FANCL: variants seen among roughly 807,000 people sequenced by gnomAD.
The protein encoded by FANCL is FA complementation group L.
FANCL carries 69 observed loss-of-function variants against 59.4 expected under a neutral mutation model. The observed-to-expected ratio is 1.16, with a 90% confidence interval of 0.96 to 1.42. The LOEUF is 1.42. FANCL is among the 40% of genes most tolerant of loss of function. The pLI is 0.00. For missense variants in FANCL, 519 were observed against 447.2 expected (o/e 1.16, Z -1.45); for synonymous variants, 180 against 147.1 (o/e 1.22, Z -1.62).
chr2:58,174,426 A>G (rs1391153934), intron 7 of FANCL, among the ~76,000 whole-genome samples: 1 of 152,246 alleles, frequency 6.6e-6, no homozygotes, highest in Non-Finnish European at 1.5e-5. Flanking sequence ...ATCAGAAATC[A>G]TAACAAACTG....
intron 1 of FANCL, among the ~76,000 whole-genome samples, chr2:58,233,736 T>C (rs1178715758): frequency 6.6e-6 from 1 of 151,484 alleles, no homozygotes; most frequent in Non-Finnish European, 1.5e-5. Flanking sequence ...ACTAAGTAAG[T>C]GTAAAAAAAA....
At chr2:58,240,140 T>C (rs973289104) in intron 1 of FANCL, among the ~76,000 whole-genome samples, 1 of 151,320 alleles carries the variant, frequency 6.6e-6, no homozygotes, top group African/African-American at 2.4e-5. Flanking sequence ...TAACTTAAAA[T>C]TTTTCAACTT....
upstream of FANCL, chr2:58,241,358 G>A (rs375878155): frequency 5.7e-6 from 9 of 1,584,416 alleles, no homozygotes; most frequent in South Asian, 4.4e-5. Context: ...GACCTGCTGG[G>A]TCCTGCACAT....
At chr2:58,221,882 T>C (rs1692512281) in intron 5 of FANCL, 60 bp downstream of exon 5, 9 of 1,207,234 alleles carry the variant, frequency 7.5e-6, no homozygotes, top group Non-Finnish European at 9.7e-6. Flanking sequence ...AAACTAGAAA[T>C]ACATTAAGTT....
chr2:58,199,682 A>G (rs1689798006), intron 6 of FANCL, among the ~76,000 whole-genome samples: 1 of 152,170 alleles, frequency 6.6e-6, no homozygotes, highest in Non-Finnish European at 1.5e-5. Flanking sequence ...TTTCCTTATT[A>G]GAGAATCATA....
intron 4 of FANCL, among the ~76,000 whole-genome samples, 166 bp downstream of exon 4, chr2:58,226,562 G>A (rs552331597): frequency 6.6e-6 from 1 of 152,092 alleles, no homozygotes; most frequent in Non-Finnish European, 1.5e-5. Context: ...CCCTCATGCA[G>A]TTCAAGAAAT....
At chr2:58,162,615 GT>G (rs1472968285) in intron 11 of FANCL, among the ~76,000 whole-genome samples, 2 of 151,850 alleles carry the variant, frequency 1.3e-5, no homozygotes, top group African/African-American at 4.8e-5. Flanking sequence ...GTCCTGCAGG[GT>G]AACTGTGGAA....
At chr2:58,159,931 C>A in intron 13 of FANCL, 131 bp from the exon 14 acceptor site, 1 of 1,530,406 alleles carries the variant, frequency 6.5e-7, no homozygotes, top group South Asian at 1.3e-5. Context: ...TTTCAGATCA[C>A]CTAGGAAATC....
intron 5 of FANCL, among the ~76,000 whole-genome samples, chr2:58,218,686 T>C (rs1427309367): frequency 6.6e-6 from 1 of 151,418 alleles, no homozygotes; most frequent in African/African-American, 2.4e-5. Context: ...GAGGTACAGA[T>C]TAATAATTCT....
chr2:58,178,830 A>T (rs759924910), intron 7 of FANCL, among the ~76,000 whole-genome samples: 4 of 152,118 alleles, frequency 2.6e-5, no homozygotes, highest in Non-Finnish European at 5.9e-5. Context: ...TATTTACAAA[A>T]CCCTATCATC....
At chr2:58,172,066 C>G (rs1686697065) in intron 7 of FANCL, among the ~76,000 whole-genome samples, 1 of 152,242 alleles carries the variant, frequency 6.6e-6, no homozygotes, top group Admixed American at 6.5e-5. Context: ...CGCCATTGCC[C>G]AGGCTAGCTT....
rs552645671 is a variant in FANCL at position 58,241,130 on chromosome 2, C to T, written c.96+88G>A. The T allele has an allele frequency of 3.6e-5, 50 of 1,407,860 alleles. No homozygotes were observed. The East Asian group carries it at 1.1e-3, about 31-fold the overall frequency. 87.2% of individuals were successfully genotyped at this position (1,407,860 alleles called of 1,614,324 possible). A position where few individuals can be genotyped will look rare whatever the true frequency, so the allele number is the denominator to read the frequency against. On this transcript the variant is annotated intron_variant, in intron 1 of 13. Coordinates refer to ENST00000233741, the MANE Select transcript of FANCL (RefSeq NM_018062.4). ...CCTCTCAATCCCCACAAGTCTGGGC[C>T]CCTAACCTCCTAGCCCGTCACAGAC...
At chr2:58,227,922 G>C (rs1693189276) in intron 3 of FANCL, among the ~76,000 whole-genome samples, 1 of 151,368 alleles carries the variant, frequency 6.6e-6, no homozygotes, top group Admixed American at 6.6e-5. Flanking sequence ...AGGAGGAGGA[G>C]GAGGAAGAGA....
chr2:58,230,207 T>A (rs1471374640), intron 2 of FANCL, among the ~76,000 whole-genome samples: 1 of 152,330 alleles, frequency 6.6e-6, no homozygotes, highest in South Asian at 2.1e-4. Flanking sequence ...TAACAATATA[T>A]CATCAAATAT....
At chr2:58,200,531 ACT>A (rs1689893562) in intron 6 of FANCL, among the ~76,000 whole-genome samples, 1 of 152,002 alleles carries the variant, frequency 6.6e-6, no homozygotes, top group African/African-American at 2.4e-5. Flanking sequence ...AACAATATCA[ACT>A]CTCTAACTTC....
At chr2:58,215,992 G>T (rs918836025) in intron 5 of FANCL, among the ~76,000 whole-genome samples, 6 of 152,072 alleles carry the variant, frequency 3.9e-5, no homozygotes, top group Non-Finnish European at 7.4e-5. Flanking sequence ...AATACCCCAG[G>T]ATCTCTGTGG....
intron 7 of FANCL, among the ~76,000 whole-genome samples, chr2:58,178,762 T>C (rs1218994775): frequency 6.6e-6 from 1 of 152,098 alleles, no homozygotes; most frequent in Admixed American, 6.6e-5. Flanking sequence ...AAATAAAAGG[T>C]ATTCAAATAG....
At chr2:58,235,620 C>G (rs545003764) in intron 1 of FANCL, among the ~76,000 whole-genome samples, 46 of 152,112 alleles carry the variant, frequency 3.0e-4, no homozygotes, top group African/African-American at 8.4e-4. Context: ...AGCATCCAAT[C>G]AAGATATACC....
chr2:58,160,017 G>A (rs1684872733), intron 13 of FANCL, 91 bp downstream of exon 13: 2 of 1,575,966 alleles, frequency 1.3e-6, no homozygotes, highest in African/African-American at 1.4e-5. Flanking sequence ...AAAAGTTTTA[G>A]ATAAACTGAT....
Sources: allele counts gnomAD v4.1 joint callset (sites outside exome capture counted in the v4.1 genomes callset), GRCh38; gene constraint gnomAD v4.1.1; transcripts MANE v1.5; gene names NCBI Gene and HGNC (gene_info 2026-07-23, HGNC 2026-07-21).